The following SNX32 variants were observed in gnomAD, a reference collection of about 807,000 sequenced individuals.
SNX32 encodes sorting nexin-32.
Under a neutral mutation model 57.0 loss-of-function variants are expected in SNX32, and 58 were observed. The ratio of observed to expected loss-of-function variants is 1.02; its 90% CI spans 0.82 to 1.27. The LOEUF is 1.27. Ranked by LOEUF, SNX32 falls within the 50% of genes most tolerant of loss-of-function variation. SNX32 has a pLI of 0.00. For synonymous variants in SNX32, 262 were observed against 220.4 expected, an observed-to-expected ratio of 1.19 and a Z score of -1.67; for missense variants, 589 against 541.2, an observed-to-expected ratio of 1.09 and a Z score of -0.88.
At chr11:65,842,720 G>A (rs530449549) in intron 1 of SNX32, among the ~76,000 whole-genome samples, 1 of 151,448 alleles carries the variant, frequency 6.6e-6, no homozygotes. Context: ...GAGAACAAGG[G>A]GGGGTGGATC....
chr11:65,839,810 A>G (rs1476980456), intron 1 of SNX32, among the ~76,000 whole-genome samples: 3 of 152,064 alleles, frequency 2.0e-5, no homozygotes, highest in Non-Finnish European at 4.4e-5. Context: ...GCCTTCTTCC[A>G]GGAATGCAAG....
chr11:65,839,223 GTATTTTT>G lies in SNX32; in HGVS notation c.36+5124_36+5130del, dbSNP rs1426372258. ...CCCACCACGCCCAGCTAATTTTTTT[GTATTTTT>G]TTTTTTTTTTTTTTTTTGAGACGGA... On this transcript the variant is annotated intron_variant, in intron 1 of 12. Transcript: ENST00000308342. Among the ~76,000 whole-genome samples the G allele has an allele frequency of 4.3e-4, 10 of 23,078 alleles. 2 individuals carry two copies. Among genetic ancestry groups the G allele is most frequent in the Admixed American group, 7.7e-4 (1 of 1,302 alleles). 15.1% of individuals were successfully genotyped at this position (23,078 alleles called of 152,430 possible).
rs767486330 is a variant in SNX32 at position 65,851,142 on chromosome 11, GTCA to G, written c.693_695del (p.Met232del). 6.2e-7 allele frequency: 1 copy of G among 1,612,844 alleles called. No individual in the cohort carries two copies. The highest frequency in any genetic ancestry group is 1.1e-5 in the South Asian group (1 of 91,088). ...AGATGCCTGCCTGCGGGCCGACCGC[GTCA>G]TGCGCGCCCACAAGTGTACGCAGGG... On this transcript the variant is annotated inframe_deletion, in exon 7 of 13. Transcript: ENST00000308342.
chr11:65,840,584 C>T (rs952714776), intron 1 of SNX32, among the ~76,000 whole-genome samples: 1 of 152,134 alleles, frequency 6.6e-6, no homozygotes, highest in Non-Finnish European at 1.5e-5. Context: ...TAGGAGATCT[C>T]TTGAGCCCAG....
At chr11:65,839,921 G>T (rs1858794462) in intron 1 of SNX32, among the ~76,000 whole-genome samples, 2 of 152,008 alleles carry the variant, frequency 1.3e-5, no homozygotes, top group Non-Finnish European at 2.9e-5. Flanking sequence ...CACTTTGGGA[G>T]GCCGAGGTGG....
At position 65,852,471 on chromosome 11, in the gene SNX32, G is replaced by A. The variant is rs1026759841; in HGVS notation, c.832G>A (p.Glu278Lys). 4 of 1,614,068 alleles carry A rather than the reference G, an allele frequency of 2.5e-6. No homozygotes were observed. The highest frequency in any genetic ancestry group is 2.5e-6 in the Non-Finnish European group (3 of 1,180,032). The change falls in exon 10 of 13, where the codon GAG (glutamate) becomes AAG (lysine). Residue 278 changes from glutamate to lysine, a missense_variant. Coordinates refer to ENST00000308342, the MANE Select transcript of SNX32 (RefSeq NM_152760.3). ...AELFERLRKL[E>K]GRVASDEDLK... Reference sequence around the variant, plus strand: ...GCCCACCTTTCTGATGCAGAAGCTGGAGGGCCGGGTGGCTTCCGATGAGGA... The same window carrying A: ...GCCCACCTTTCTGATGCAGAAGCTGAAGGGCCGGGTGGCTTCCGATGAGGA...
chr11:65,853,094 C>CA, intron 12 of SNX32, 136 bp downstream of exon 12: 1 of 1,275,682 alleles, frequency 7.8e-7, no homozygotes, highest in South Asian at 1.3e-5. Flanking sequence ...AGAGGAGCCC[C>CA]AGCTAAGGCT....
chr11:65,834,189 C>CTG, intron 1 of SNX32, 88 bp downstream of exon 1: 3 of 409,378 alleles, frequency 7.3e-6, no homozygotes, highest in East Asian at 3.9e-5. Context: ...GTGTGTGTGT[C>CTG]TGTGTGTGTG....
At chr11:65,844,260 C>G (rs999525904) in intron 1 of SNX32, among the ~76,000 whole-genome samples, 2 of 152,030 alleles carry the variant, frequency 1.3e-5, no homozygotes, top group African/African-American at 4.8e-5. Flanking sequence ...AGTAATCAGT[C>G]CAGTGAGATA....
intron 6 of SNX32, 57 bp downstream of exon 6, chr11:65,850,912 A>G: frequency 6.5e-7 from 1 of 1,548,838 alleles, no homozygotes; most frequent in Non-Finnish European, 8.9e-7. Context: ...CACAGCACAG[A>G]TTGAGGCCCA....
chr11:65,853,696 T>C lies in SNX32; in HGVS notation c.*361T>C, dbSNP rs1377699688. On this transcript the variant is annotated 3_prime_UTR_variant, in exon 13 of 13. Transcript: ENST00000308342. ...TTCGCAAATAAAAACCCTGGTTTTG[T>C]AGCAAGGAGGCCTGTTGTCCTTACT... 2.3e-5 allele frequency: 7 copies of C among 307,846 alleles called. No homozygotes were observed. The highest frequency in any genetic ancestry group is 3.8e-5 in the South Asian group (1 of 26,438). The allele number at this position is 307,846 out of a possible 1,614,324, so 19.1% of individuals were successfully genotyped here.
chr11:65,853,006 ACCTC>A (rs1555036656), intron 12 of SNX32, 48 bp downstream of exon 12: 4 of 1,578,680 alleles, frequency 2.5e-6, no homozygotes, highest in Admixed American at 3.4e-5. Flanking sequence ...CCCACCTCCC[ACCTC>A]CCTCCCTCCC....
intron 1 of SNX32, among the ~76,000 whole-genome samples, chr11:65,840,584 C>A (rs952714776): frequency 4.6e-5 from 7 of 152,134 alleles, no homozygotes. Context: ...TAGGAGATCT[C>A]TTGAGCCCAG....
chr11:65,842,967 A>G (rs932711144), intron 1 of SNX32, among the ~76,000 whole-genome samples: 7 of 149,806 alleles, frequency 4.7e-5, no homozygotes, highest in East Asian at 2.0e-4. Flanking sequence ...AAAAAAAAAA[A>G]AAAAAGAAAC....
intron 8 of SNX32, 104 bp from the exon 9 acceptor site, chr11:65,851,536 G>A (rs763897520): frequency 4.6e-6 from 7 of 1,529,550 alleles, no homozygotes; most frequent in South Asian, 2.3e-5. Flanking sequence ...GGATGGTGTT[G>A]GGAAGGAAAG....
Position 65,849,841 on chromosome 11 carries a change from G to T in SNX32, c.142-79G>T, listed in dbSNP as rs1292778866. 5 of 1,166,672 alleles carry T rather than the reference G, an allele frequency of 4.3e-6. No homozygotes were observed. In the East Asian group the frequency reaches 1.0e-4, roughly 23 times the overall value. The allele number at this position is 1,166,672 out of a possible 1,614,324, so 72.3% of individuals were successfully genotyped here. On this transcript the variant is annotated intron_variant, in intron 2 of 12. Transcript: ENST00000308342. The stretch of plus-strand genomic sequence containing the variant: ...CTCCCTGGGATGTGGGATGAGGGGG[G>T]CCCAAAAGTGCATGCCCAGACTTGC...
At chr11:65,845,474 C>T (rs1019830726) in intron 1 of SNX32, among the ~76,000 whole-genome samples, 1 of 150,724 alleles carries the variant, frequency 6.6e-6, no homozygotes, top group African/African-American at 2.4e-5. Context: ...CAGTGGCTCA[C>T]GCCTGTAATC....
intron 1 of SNX32, among the ~76,000 whole-genome samples, chr11:65,839,732 CAAAAA>C (rs139892606): frequency 8.3e-6 from 1 of 120,484 alleles, no homozygotes. Flanking sequence ...GACCCTGTCC[CAAAAA>C]AAAAAAAAAA....
intron 2 of SNX32, 100 bp downstream of exon 2, chr11:65,849,682 C>A: frequency 9.2e-7 from 1 of 1,089,370 alleles, no homozygotes. Flanking sequence ...TGTGGGCACT[C>A]TTCCTCCACC....
Sources: allele counts gnomAD v4.1 joint callset (sites outside exome capture counted in the v4.1 genomes callset), GRCh38; gene constraint gnomAD v4.1.1; transcripts MANE v1.5; gene names NCBI Gene and HGNC (gene_info 2026-07-23, HGNC 2026-07-21).